Variants in FARS2 observed in about 807,000 individuals in gnomAD.
The protein encoded by FARS2 is phenylalanine--tRNA ligase, mitochondrial.
Under a neutral mutation model 46.4 loss-of-function variants are expected in FARS2, and 40 were observed. The ratio of observed to expected loss-of-function variants is 0.86; its 90% CI spans 0.67 to 1.12. The LOEUF is 1.12. FARS2 is among the 50% of genes most tolerant of loss of function. The probability of loss-of-function intolerance (pLI) is 0.00; values close to 1 mark genes in which losing one functional copy is unlikely to be tolerated. For synonymous variants in FARS2, 234 were observed against 214.9 expected, an observed-to-expected ratio of 1.09 and a Z score of -0.78; for missense variants, 513 against 567.9, an observed-to-expected ratio of 0.90 and a Z score of 0.98.
At position 5,407,061 on chromosome 6, in the gene FARS2, AT is replaced by A. The variant is rs1562017906; in HGVS notation, c.772+2361del. On this transcript the variant is annotated intron_variant, in intron 3 of 6. Coordinates refer to ENST00000274680, the MANE Select transcript of FARS2 (RefSeq NM_006567.5). ...TGGCAAATTATATATATATATATAT[AT>A]ATATAATGACCAATAAATATATGAA... Among the ~76,000 whole-genome samples the A allele has an allele frequency of 1.4e-3, 198 of 141,182 alleles. 24 individuals carry two copies. The East Asian group carries it at 0.034, about 24-fold the overall frequency. 92.6% of individuals were successfully genotyped at this position (141,182 alleles called of 152,430 possible). A position where few individuals can be genotyped will look rare whatever the true frequency, so the allele number is the denominator to read the frequency against.
At chr6:5,482,629 A>T (rs1766534954) in intron 4 of FARS2, among the ~76,000 whole-genome samples, 1 of 152,118 alleles carries the variant, frequency 6.6e-6, no homozygotes, top group Non-Finnish European at 1.5e-5. Flanking sequence ...GGGAGGTGAG[A>T]GTCTAGTGGA....
At chr6:5,525,351 C>G (rs774212667) in intron 4 of FARS2, among the ~76,000 whole-genome samples, 1 of 152,048 alleles carries the variant, frequency 6.6e-6, no homozygotes, top group Non-Finnish European at 1.5e-5. Context: ...GTAGCATTGC[C>G]GACTGTTGCA....
intron 2 of FARS2, among the ~76,000 whole-genome samples, chr6:5,382,110 G>A (rs553591129): frequency 6.4e-4 from 98 of 152,312 alleles, no homozygotes; most frequent in African/African-American, 2.2e-3. Flanking sequence ...TTTAGATAGC[G>A]TGTGTGTATT....
chr6:5,309,250 A>ATCTGCAGTAATGGATTGGTTGTG (rs1768929799), intron 1 of FARS2, among the ~76,000 whole-genome samples: 1 of 152,140 alleles, frequency 6.6e-6, no homozygotes, highest in Non-Finnish European at 1.5e-5. Context: ...TAGACTCTCT[A>ATCTGCAGTAATGGATTGGTTGTG]GGACTTAGTA....
intron 6 of FARS2, among the ~76,000 whole-genome samples, chr6:5,750,090 C>G (rs1414291144): frequency 6.6e-6 from 1 of 152,114 alleles, no homozygotes; most frequent in Non-Finnish European, 1.5e-5. Flanking sequence ...GAGTCCCTGC[C>G]CTCTCCGAGT....
intron 6 of FARS2, among the ~76,000 whole-genome samples, chr6:5,760,915 C>T (rs1348723932): frequency 1.3e-5 from 2 of 152,236 alleles, no homozygotes; most frequent in African/African-American, 4.8e-5. Context: ...CAGCTTCCTA[C>T]GGTGATTGTA....
At chr6:5,524,110 TAATG>T (rs58587371) in intron 4 of FARS2, among the ~76,000 whole-genome samples, 72,536 of 151,804 alleles carry the variant, frequency 0.48, 18,094 homozygotes, top group African/African-American at 0.59. Flanking sequence ...TGACAATAGA[TAATG>T]AATGTACCAC....
intron 4 of FARS2, among the ~76,000 whole-genome samples, chr6:5,485,488 G>GT (rs1766719070): frequency 6.9e-6 from 1 of 143,988 alleles, no homozygotes. Context: ...AAGATTTAAA[G>GT]TGGGGGGGAC....
intron 6 of FARS2, among the ~76,000 whole-genome samples, chr6:5,739,082 T>A (rs1332461345): frequency 6.6e-6 from 1 of 152,170 alleles, no homozygotes; most frequent in East Asian, 1.9e-4. Flanking sequence ...TCTCTATAAT[T>A]TTGTCCCTTT....
At chr6:5,674,510 T>C (rs772898107) in intron 6 of FARS2, among the ~76,000 whole-genome samples, 8 of 152,212 alleles carry the variant, frequency 5.3e-5, no homozygotes, top group African/African-American at 9.6e-5. Context: ...AGTTTGGAAG[T>C]TGGGAATTCT....
intron 5 of FARS2, among the ~76,000 whole-genome samples, chr6:5,559,185 T>C (rs1771846493): frequency 6.6e-6 from 1 of 151,508 alleles, no homozygotes; most frequent in African/African-American, 2.4e-5. Flanking sequence ...GGAAGATCGC[T>C]TGAGCCCAAG....
At chr6:5,612,575 A>G (rs886497714) in intron 5 of FARS2, among the ~76,000 whole-genome samples, 4 of 152,138 alleles carry the variant, frequency 2.6e-5, no homozygotes, top group Non-Finnish European at 5.9e-5. Flanking sequence ...ATGGTGAACT[A>G]CTGAGCTAGT....
chr6:5,729,913 A>G (rs1760510893), intron 6 of FARS2, among the ~76,000 whole-genome samples: 1 of 152,216 alleles, frequency 6.6e-6, no homozygotes, highest in Admixed American at 6.5e-5. Flanking sequence ...TGGGCACTGT[A>G]GGCTGTTTAC....
intron 2 of FARS2, among the ~76,000 whole-genome samples, chr6:5,391,802 A>C (rs1469210973): frequency 2.6e-5 from 4 of 152,166 alleles, no homozygotes; most frequent in Non-Finnish European, 5.9e-5. Flanking sequence ...CTAAATTTTA[A>C]ATTTAATTGG....
At chr6:5,477,282 G>A (rs1301184054) in intron 4 of FARS2, among the ~76,000 whole-genome samples, 1 of 152,156 alleles carries the variant, frequency 6.6e-6, no homozygotes, top group Non-Finnish European at 1.5e-5. Flanking sequence ...GATTAGCCAG[G>A]AACTAGTTTC....
At chr6:5,726,294 G>A (rs901983802) in intron 6 of FARS2, among the ~76,000 whole-genome samples, 3 of 152,142 alleles carry the variant, frequency 2.0e-5, no homozygotes, top group African/African-American at 7.2e-5. Flanking sequence ...GGAATTTGCA[G>A]CGCCTCACTC....
At chr6:5,601,523 A>C (rs13193795) in intron 5 of FARS2, among the ~76,000 whole-genome samples, 4 of 43,054 alleles carry the variant, frequency 9.3e-5, no homozygotes, top group East Asian at 1.1e-3. Context: ...AAACTCCATC[A>C]CAAAAAAAAA....
chr6:5,333,329 G>A (rs9405824), intron 1 of FARS2, among the ~76,000 whole-genome samples: 33,682 of 152,078 alleles, frequency 0.22, 4,605 homozygotes, highest in East Asian at 0.29. Flanking sequence ...TAAGGACATC[G>A]TGATTTTTTA....
chr6:5,440,692 T>A (rs560631081), intron 4 of FARS2, among the ~76,000 whole-genome samples: 1 of 152,306 alleles, frequency 6.6e-6, no homozygotes, highest in African/African-American at 2.4e-5. Context: ...TTGTTGTTAT[T>A]GTTTTTTAGA....
Sources: allele counts gnomAD v4.1 joint callset (sites outside exome capture counted in the v4.1 genomes callset), GRCh38; gene constraint gnomAD v4.1.1; transcripts MANE v1.5; gene names NCBI Gene and HGNC (gene_info 2026-07-23, HGNC 2026-07-21).